Variants in RPAP2 observed in about 807,000 individuals in gnomAD.
RPAP2 encodes putative RNA polymerase II subunit B1 CTD phosphatase RPAP2.
RPAP2 carries 52 observed loss-of-function variants against 73.1 expected under a neutral mutation model. The observed-to-expected ratio is 0.71, with a 90% CI of 0.57 to 0.90. The LOEUF is 0.90. Among genes scored for constraint, RPAP2 ranks in the 40% least tolerant of loss-of-function variants. RPAP2 has a pLI of 0.00. For missense variants in RPAP2, 598 were observed against 701.8 expected, an observed-to-expected ratio of 0.85 and a Z score of 1.67; for synonymous variants, 225 against 242.1, an observed-to-expected ratio of 0.93 and a Z score of 0.65.
intron 11 of RPAP2, among the ~76,000 whole-genome samples, chr1:92,349,107 A>G (rs975463452): frequency 1.3e-5 from 2 of 152,228 alleles, no homozygotes; most frequent in African/African-American, 4.8e-5. Context: ...TAATTATCCT[A>G]TTATTCAGAA....
At chr1:92,362,931 A>T (rs888945323) in intron 11 of RPAP2, among the ~76,000 whole-genome samples, 2 of 152,182 alleles carry the variant, frequency 1.3e-5, no homozygotes, top group African/African-American at 4.8e-5. Flanking sequence ...CAACTTTTAC[A>T]TGCTCCAAAA....
At chr1:92,371,623 A>G (rs1265044856) in intron 11 of RPAP2, among the ~76,000 whole-genome samples, 1 of 151,892 alleles carries the variant, frequency 6.6e-6, no homozygotes, top group Non-Finnish European at 1.5e-5. Context: ...AAAGAAGGAA[A>G]TCCTGTTATT....
chr1:92,345,868 C>T lies in RPAP2; in HGVS notation c.1642C>T (p.His548Tyr). The stretch of plus-strand genomic sequence containing the variant: ...CAGGTTAACAAATAGAAATATTATA[C>T]ACAAACCTGCGGAATGGACTTTAAT... ...TFRLTNRNII[H>Y]KPAEWTLIAM... The change falls in exon 11 of 13, where the codon CAC becomes TAC. Residue 548 changes from histidine to tyrosine, a missense_variant. Around this residue, in one of 3 missense-constraint regions of RPAP2, gnomAD observed 506 missense variants for 612.8 expected, o/e 0.83. Coordinates refer to ENST00000610020, the MANE Select transcript of RPAP2 (RefSeq NM_024813.3). The T allele has an allele frequency of 5.6e-6, 9 of 1,602,234 alleles. No homozygotes were observed. The highest frequency in any genetic ancestry group is 6.8e-6 in the Non-Finnish European group (8 of 1,170,682).
At chr1:92,343,871 T>C (rs1653733968) in intron 10 of RPAP2, among the ~76,000 whole-genome samples, 1 of 152,132 alleles carries the variant, frequency 6.6e-6, no homozygotes, top group Admixed American at 6.5e-5. Context: ...AGATAGGCCT[T>C]ATTGCAAAGA....
At chr1:92,371,056 C>G (rs1307471869) in intron 11 of RPAP2, among the ~76,000 whole-genome samples, 1 of 152,030 alleles carries the variant, frequency 6.6e-6, no homozygotes, top group Non-Finnish European at 1.5e-5. Flanking sequence ...CCTGTAATCC[C>G]AGCACTTTGG....
At chr1:92,305,592 A>T (rs1399105766) in intron 5 of RPAP2, among the ~76,000 whole-genome samples, 4 of 151,932 alleles carry the variant, frequency 2.6e-5, no homozygotes. Flanking sequence ...CAAAAAAAAA[A>T]TGAAAAGAGA....
At chr1:92,359,741 G>A (rs1654644253) in intron 11 of RPAP2, among the ~76,000 whole-genome samples, 1 of 152,224 alleles carries the variant, frequency 6.6e-6, no homozygotes, top group South Asian at 2.1e-4. Context: ...TAGAGCTGAA[G>A]AATGGTGATG....
intron 5 of RPAP2, among the ~76,000 whole-genome samples, chr1:92,306,084 T>C (rs12095506): frequency 1.4e-3 from 215 of 152,336 alleles, no homozygotes; most frequent in African/African-American, 5.0e-3. Context: ...ACAAGGTGGA[T>C]GAACCTTGAA....
At chr1:92,329,484 C>T (rs2101208261) in intron 8 of RPAP2, among the ~76,000 whole-genome samples, 1 of 152,140 alleles carries the variant, frequency 6.6e-6, no homozygotes, top group Admixed American at 6.5e-5. Context: ...TTCCAGGCAG[C>T]TGATGAGCAG....
chr1:92,330,550 C>T (rs568530350), intron 8 of RPAP2, among the ~76,000 whole-genome samples: 1 of 145,628 alleles, frequency 6.9e-6, no homozygotes, highest in African/African-American at 2.6e-5. Context: ...TGGGTTCGAG[C>T]GATTTTCCTG....
intron 8 of RPAP2, among the ~76,000 whole-genome samples, chr1:92,332,284 G>A (rs748711950): frequency 3.3e-5 from 5 of 151,608 alleles, no homozygotes; most frequent in East Asian, 1.9e-4. Context: ...TTTAAATACC[G>A]TATTTTTCTA....
chr1:92,356,052 T>C (rs1224787535), intron 11 of RPAP2, among the ~76,000 whole-genome samples: 2 of 152,240 alleles, frequency 1.3e-5, no homozygotes, highest in Non-Finnish European at 2.9e-5. Context: ...TGTTAAAATA[T>C]GTTTTAAAAC....
chr1:92,308,581 C>T (rs1224973424), intron 6 of RPAP2, among the ~76,000 whole-genome samples: 1 of 152,154 alleles, frequency 6.6e-6, no homozygotes, highest in Non-Finnish European at 1.5e-5. Context: ...ACCTCAACTG[C>T]TTCAAAACCA....
chr1:92,382,583 T>A (rs1471297231), intron 12 of RPAP2, among the ~76,000 whole-genome samples: 1 of 152,256 alleles, frequency 6.6e-6, no homozygotes, highest in Non-Finnish European at 1.5e-5. Flanking sequence ...GAGAAGTGTC[T>A]GTTCATATCC....
At chr1:92,335,863 CTTAGA>C (rs545076949) in intron 9 of RPAP2, among the ~76,000 whole-genome samples, 75 of 152,082 alleles carry the variant, frequency 4.9e-4, no homozygotes, top group East Asian at 2.7e-3. Flanking sequence ...TGATTATTTC[CTTAGA>C]TTAAATTTTT....
In RPAP2 at chr1:92,400,052, A is replaced by T. The variant is rs573496364; in HGVS notation, c.*13041A>T. 1 of 152,376 alleles carries T rather than the reference A, an allele frequency of 6.6e-6. No homozygotes were observed. The highest frequency in any genetic ancestry group is 2.4e-5 in the African/African-American group (1 of 41,590). 9.4% of individuals were successfully genotyped at this position (152,376 alleles called of 1,614,324 possible). A position where few individuals can be genotyped will look rare whatever the true frequency, so the allele number is the denominator to read the frequency against. On this transcript the variant is annotated 3_prime_UTR_variant, in exon 13 of 13. Coordinates refer to ENST00000610020, the MANE Select transcript of RPAP2 (RefSeq NM_024813.3). ...CCACAAGATCAGCCAGTTTTAGCAG[A>T]GCAGTTGCTAAAACCCAGGTCTCAA... is the stretch of plus-strand genomic sequence containing the variant.
At chr1:92,338,422 T>C (rs546311903) in intron 10 of RPAP2, among the ~76,000 whole-genome samples, 1 of 152,356 alleles carries the variant, frequency 6.6e-6, no homozygotes, top group South Asian at 2.1e-4. Context: ...AGAGACATTT[T>C]TTAGATACAC....
At chr1:92,378,008 T>C (rs1358859110) in intron 11 of RPAP2, among the ~76,000 whole-genome samples, 1 of 152,178 alleles carries the variant, frequency 6.6e-6, no homozygotes, top group Non-Finnish European at 1.5e-5. Flanking sequence ...GATTGAGAAA[T>C]CTAGTAGTCA....
At chr1:92,382,408 T>G (rs12057715) in intron 12 of RPAP2, among the ~76,000 whole-genome samples, 1 of 152,114 alleles carries the variant, frequency 6.6e-6, no homozygotes, top group Non-Finnish European at 1.5e-5. Flanking sequence ...TGTTCCTATT[T>G]CTCCACATCC....
Sources: allele counts gnomAD v4.1 joint callset (sites outside exome capture counted in the v4.1 genomes callset), GRCh38; gene constraint gnomAD v4.1.1; regional missense constraint gnomAD v4.1.1; transcripts MANE v1.5; gene names NCBI Gene and HGNC (gene_info 2026-07-23, HGNC 2026-07-21).